Variants in LTBP2 observed in about 807,000 individuals in gnomAD.
LTBP2 encodes latent-transforming growth factor beta-binding protein 2.
In LTBP2, 103 loss-of-function variants were observed where a neutral mutation model predicts 210.6. The observed-to-expected ratio is 0.49, with a 90% CI of 0.42 to 0.58. The LOEUF is 0.58. Ranked by LOEUF, LTBP2 falls within the 20% of genes least tolerant of loss-of-function variation. The probability of loss-of-function intolerance (pLI) is 0.00; values close to 1 mark genes in which losing one functional copy is unlikely to be tolerated. For missense variants in LTBP2, 2,313 were observed against 2,494.5 expected, an observed-to-expected ratio of 0.93 and a Z score of 1.55; for synonymous variants, 1,007 against 1,015.0, an observed-to-expected ratio of 0.99 and a Z score of 0.15.
Position 74,511,151 on chromosome 14 carries a change from C to T in LTBP2, c.3028+94G>A, listed in dbSNP as rs578001174. 3 of 1,594,980 alleles carry T rather than the reference C, an allele frequency of 1.9e-6. No homozygotes were observed. The South Asian group carries it at 3.3e-5, about 18-fold the overall frequency. On this transcript the variant is annotated intron_variant, in intron 19 of 35. Coordinates refer to ENST00000261978, the MANE Select transcript of LTBP2 (RefSeq NM_000428.3). ...GAGGACAACAGCCTCCAAGCCACCT[C>T]CCTCTGCCCACCTCTTTCCCTTTCC...
intron 3 of LTBP2, among the ~76,000 whole-genome samples, chr14:74,563,009 AT>A (rs2087815660): frequency 6.6e-6 from 1 of 152,124 alleles, no homozygotes; most frequent in South Asian, 2.1e-4. Flanking sequence ...CTAAAGGCTT[AT>A]ACCTGTGATT....
rs761227925 is a variant in LTBP2 at position 74,508,889 on chromosome 14, C to A, written c.3467G>T (p.Gly1156Val). The change falls in exon 23 of 36, where the codon GGC (glycine) becomes GTC (valine). Residue 1156 changes from glycine (G) to valine (V), a missense_variant. By Grantham distance (109) the Gly-to-Val change is moderately radical. Around this residue, in one of 3 missense-constraint regions of LTBP2, gnomAD observed 1,867 missense variants for 1,976.9 expected, o/e 0.94. Coordinates refer to ENST00000261978, the MANE Select transcript of LTBP2 (RefSeq NM_000428.3). ...CTGGGGACAGAGGCACTGGTAGGAG[C>A]CCACAGTGTTCTTGCACTCGCCTCC... The part of the protein sequence containing the change: ...CLGGECKNTV[G>V]SYQCLCPQGF... 1 of 1,613,682 alleles carries A rather than the reference C, an allele frequency of 6.2e-7. No homozygotes were observed. The highest frequency in any genetic ancestry group is 8.5e-7 in the Non-Finnish European group (1 of 1,179,972).
chr14:74,566,085 T>G (rs2087898872), intron 3 of LTBP2, among the ~76,000 whole-genome samples: 1 of 152,146 alleles, frequency 6.6e-6, no homozygotes, highest in Non-Finnish European at 1.5e-5. Context: ...TTTTTTTAAT[T>G]TTTTTTATGC....
intron 16 of LTBP2, 107 bp from the exon 17 acceptor site, chr14:74,522,146 G>A (rs759605256): frequency 1.1e-5 from 15 of 1,340,770 alleles, no homozygotes; most frequent in Non-Finnish European, 1.6e-5. Flanking sequence ...GGATGGTGCT[G>A]TGTGGCAAGG....
At chr14:74,588,832 G>A (rs979280017) in intron 2 of LTBP2, among the ~76,000 whole-genome samples, 3 of 152,130 alleles carry the variant, frequency 2.0e-5, no homozygotes, top group East Asian at 1.9e-4. Flanking sequence ...CTTGCCTGAG[G>A]TCACCCAGCT....
rs149290177 is a variant in LTBP2 at position 74,606,179 on chromosome 14, G to C, written c.495-2474C>G. ...TAGCCCAGTATCCAGCATCACTGTA[G>C]GGAACACATCTGGCTAGCAGTCTGG... On this transcript the variant is annotated intron_variant, in intron 1 of 35. Coordinates refer to ENST00000261978, the MANE Select transcript of LTBP2 (RefSeq NM_000428.3). 1.2e-3 allele frequency among the ~76,000 whole-genome samples: 180 copies of C among 152,316 alleles called. 2 individuals carry two copies. The highest frequency in any genetic ancestry group is 4.1e-3 in the African/African-American group (172 of 41,564).
In LTBP2 at chr14:74,611,681, G is replaced by C. The variant is rs1566660549; in HGVS notation, c.264C>G (p.Ala88=). The change falls in exon 1 of 36, where the codon GCC becomes GCG. Residue 88 remains alanine, a synonymous_variant. Transcript: ENST00000261978. ...TCCTGGGGCTCCCCCAGCCCGGCTG[G>C]GCCCGCTCCACGGGCTGCAAGCCCG... ...PVAGLQPVER[A]QPGWGSPRRP... 6 of 1,572,758 alleles carry C rather than the reference G, an allele frequency of 3.8e-6. No individual in the cohort carries two copies. Among genetic ancestry groups the C allele is most frequent in the Non-Finnish European group, 5.1e-6 (6 of 1,165,844 alleles).
Position 74,526,114 on chromosome 14 carries a change from C to A in LTBP2, c.2389G>T (p.Val797Phe). Reference protein sequence around the residue: ...PDKGDSQAGQVTTSVTHAPAW... With the variant: ...PDKGDSQAGQFTTSVTHAPAW... ...GGTGCATGAGTGACACTGGTCGTGA[C>A]CTGCACAGAAACAGGAGAAGGTCAC... The change falls in exon 14 of 36, where the codon GTC becomes TTC. Residue 797 changes from valine to phenylalanine, a missense_variant and splice_region_variant. Physicochemically the swap from Val to Phe is conservative, Grantham distance 50. Coordinates refer to ENST00000261978, the MANE Select transcript of LTBP2 (RefSeq NM_000428.3). 6.2e-7 allele frequency: 1 copy of A among 1,601,794 alleles called. No individual in the cohort carries two copies. The highest frequency in any genetic ancestry group is 2.2e-5 in the East Asian group (1 of 44,526).
chr14:74,590,271 C>G (rs2088263966), intron 2 of LTBP2, among the ~76,000 whole-genome samples: 1 of 152,200 alleles, frequency 6.6e-6, no homozygotes, highest in Admixed American at 6.5e-5. Context: ...GTCAACCATT[C>G]AATCCAGCAA....
At position 74,612,024 on chromosome 14, in the gene LTBP2, T is replaced by C; in HGVS notation, c.-80A>G. On this transcript the variant is annotated 5_prime_UTR_variant, in exon 1 of 36. Coordinates refer to ENST00000261978, the MANE Select transcript of LTBP2 (RefSeq NM_000428.3). ...CGGCACGCTGGACGCCCGCGGGCTG[T>C]TCTCCCGGCCCCGCCCGGCGGCCAG... is the stretch of plus-strand genomic sequence containing the variant. 1 of 1,381,068 alleles carries C rather than the reference T, an allele frequency of 7.2e-7. No homozygotes were observed. The highest frequency in any genetic ancestry group is 1.5e-5 in the African/African-American group (1 of 65,618). The allele number at this position is 1,381,068 out of a possible 1,614,324, so 85.6% of individuals were successfully genotyped here. A position where few individuals can be genotyped will look rare whatever the true frequency, so the allele number is the denominator to read the frequency against.
intron 8 of LTBP2, among the ~76,000 whole-genome samples, chr14:74,544,213 C>A (rs1566631436): frequency 6.6e-6 from 1 of 152,164 alleles, no homozygotes; most frequent in Admixed American, 6.5e-5. Context: ...ATCCAGAATC[C>A]CAGAGAACAG....
rs771188865 is a variant in LTBP2, at chr14:74,532,414, G to A, written c.1987+12C>T. On this transcript the variant is annotated intron_variant, in intron 10 of 35. Transcript: ENST00000261978. ...CACTGTCCACCCCCACCCCATCCCTGCCAGCACTCACACACACAGCGGCTC... is the reference window on the plus strand; with the variant it reads ...CACTGTCCACCCCCACCCCATCCCTACCAGCACTCACACACACAGCGGCTC... 2 of 1,613,546 alleles carry A rather than the reference G, an allele frequency of 1.2e-6. No homozygotes were observed. Among genetic ancestry groups the A allele is most frequent in the Non-Finnish European group, 1.7e-6 (2 of 1,179,950 alleles).
chr14:74,509,817 A>G lies in LTBP2; in HGVS notation c.3194T>C (p.Leu1065Pro), dbSNP rs1279932730. 6.2e-7 allele frequency: 1 copy of G among 1,613,968 alleles called. No individual in the cohort carries two copies. The highest frequency in any genetic ancestry group is 1.3e-5 in the African/African-American group (1 of 74,936). The change falls in exon 21 of 36, where the codon CTC becomes CCC. Residue 1065 changes from leucine to proline, a missense_variant. Leu to Pro is a moderately conservative substitution (Grantham distance 98). Transcript: ENST00000261978. ...GAAGGAGCCCTCCGTGTTGAGGCAGAGGCCTGTGGGGCATGAGGCCCGGCT... is the reference window on the plus strand; with the variant it reads ...GAAGGAGCCCTCCGTGTTGAGGCAGGGGCCTGTGGGGCATGAGGCCCGGCT... ...CASRASCPTG[L>P]CLNTEGSFAC...
chr14:74,598,835 C>A (rs543732716), intron 2 of LTBP2, among the ~76,000 whole-genome samples: 1 of 152,264 alleles, frequency 6.6e-6, no homozygotes, highest in African/African-American at 2.4e-5. Flanking sequence ...CTGCGCCAGG[C>A]TGTCTACACA....
At chr14:74,526,335 G>A (rs561465484) in intron 13 of LTBP2, among the ~76,000 whole-genome samples, 34 of 152,380 alleles carry the variant, frequency 2.2e-4, no homozygotes, top group African/African-American at 8.2e-4. Flanking sequence ...TATGATGGGA[G>A]GTTGAAATGA....
At chr14:74,573,900 T>C (rs1341341145) in intron 3 of LTBP2, among the ~76,000 whole-genome samples, 1 of 152,154 alleles carries the variant, frequency 6.6e-6, no homozygotes, top group African/African-American at 2.4e-5. Flanking sequence ...ACATTGAGAC[T>C]CGGGGAGGTG....
In LTBP2 at chr14:74,509,668, A is replaced by T. The variant is rs1341676896; in HGVS notation, c.3277+66T>A. ...TCAGCCCCAAACTGGGGACAAATTG[A>T]GTGTTCTTTGGGAGGTAAGACAGCC... On this transcript the variant is annotated intron_variant, in intron 21 of 35. Coordinates refer to ENST00000261978, the MANE Select transcript of LTBP2 (RefSeq NM_000428.3). 3.1e-6 allele frequency: 5 copies of T among 1,609,652 alleles called. No homozygotes were observed. The East Asian group carries it at 6.7e-5, about 22-fold the overall frequency.
Position 74,509,670 on chromosome 14 carries a change from T to G in LTBP2, c.3277+64A>C, listed in dbSNP as rs1282506356. 7 of 1,610,126 alleles carry G rather than the reference T, an allele frequency of 4.3e-6. No homozygotes were observed. In the African/African-American group the frequency reaches 9.4e-5, roughly 22 times the overall value. On this transcript the variant is annotated intron_variant, in intron 21 of 35. Coordinates refer to ENST00000261978, the MANE Select transcript of LTBP2 (RefSeq NM_000428.3). ...AGCCCCAAACTGGGGACAAATTGAGTGTTCTTTGGGAGGTAAGACAGCCTA... is the reference window on the plus strand; with the variant it reads ...AGCCCCAAACTGGGGACAAATTGAGGGTTCTTTGGGAGGTAAGACAGCCTA...
rs1230336702 is a variant in LTBP2, at chr14:74,611,714, C to A, written c.231G>T (p.Ala77=). The stretch of plus-strand genomic sequence containing the variant: ...CCACGGGCTGCAAGCCCGCGACAGG[C>A]GCGTCCTGCTCCCGGAACAGACTGT... ...KVYSLFREQD[A]PVAGLQPVER... is the part of the protein sequence containing the mutation. Residue 77 remains alanine, a synonymous_variant, in exon 1 of 36, where the codon GCG becomes GCT. Coordinates refer to ENST00000261978, the MANE Select transcript of LTBP2 (RefSeq NM_000428.3). 1 of 1,593,488 alleles carries A rather than the reference C, an allele frequency of 6.3e-7. No individual in the cohort carries two copies. The highest frequency in any genetic ancestry group is 8.5e-7 in the Non-Finnish European group (1 of 1,175,408).
Sources: allele counts gnomAD v4.1 joint callset (sites outside exome capture counted in the v4.1 genomes callset), GRCh38; gene constraint gnomAD v4.1.1; regional missense constraint gnomAD v4.1.1; transcripts MANE v1.5; gene names NCBI Gene and HGNC (gene_info 2026-07-23, HGNC 2026-07-21).